The following LMX1A variants were observed in gnomAD, a reference collection of about 807,000 sequenced individuals.
The protein encoded by LMX1A is LIM homeobox transcription factor 1 alpha, also known as LIM homeobox transcription factor 1-alpha.
A neutral mutation model predicts 49.1 loss-of-function variants in LMX1A; 15 were observed. The ratio of observed to expected loss-of-function variants is 0.31; its 90% CI spans 0.20 to 0.47. The LOEUF (loss-of-function observed/expected upper bound fraction) is 0.47, where lower values mean the gene tolerates loss of function less well. Ranked by LOEUF, LMX1A falls within the 20% of genes least tolerant of loss-of-function variation. The pLI, the probability that LMX1A is intolerant of heterozygous loss-of-function variation, is 1.00. For missense variants in LMX1A, 372 were observed against 475.8 expected (o/e 0.78, Z 2.03); for synonymous variants, 167 against 185.7 (o/e 0.90, Z 0.82).
At position 165,213,702 on chromosome 1, in the gene LMX1A, G is replaced by C. The variant is rs1651522676; in HGVS notation, c.608C>G (p.Thr203Arg). The C allele has an allele frequency of 1.2e-6, 2 of 1,614,220 alleles. No individual in the cohort carries two copies. Among genetic ancestry groups the C allele is most frequent in the South Asian group, 1.1e-5 (1 of 91,080 alleles). Residue 203 changes from threonine (T) to arginine (R), a missense_variant, in exon 5 of 9, where the codon ACA becomes AGA. Physicochemically the swap from Thr to Arg is moderately conservative, Grantham distance 71. This residue lies in a region of LMX1A where 46 missense variants were observed against 93.8 expected (regional missense o/e 0.49). Coordinates refer to ENST00000342310, the MANE Select transcript of LMX1A (RefSeq NM_177398.4). ...CTTGAATGCTCGCCTCTGTTGAGTT[G>C]TCAAGATGGTTCTCGGACGTTTGGG... Reference protein sequence around the residue: ...KRPKRPRTILTTQQRRAFKAS... With the variant: ...KRPKRPRTILRTQQRRAFKAS...
chr1:165,317,441 G>C (rs1435868281), intron 3 of LMX1A, among the ~76,000 whole-genome samples: 1 of 152,156 alleles, frequency 6.6e-6, no homozygotes. Context: ...AAATTGAAAT[G>C]TACATATTAA....
chr1:165,344,069 G>A (rs999846294), intron 3 of LMX1A, among the ~76,000 whole-genome samples: 1 of 152,206 alleles, frequency 6.6e-6, no homozygotes, highest in African/African-American at 2.4e-5. Context: ...CAAGCAAGAA[G>A]GCACAGCCAA....
intron 3 of LMX1A, among the ~76,000 whole-genome samples, chr1:165,292,562 C>A (rs1007419645): frequency 6.6e-6 from 1 of 152,222 alleles, no homozygotes; most frequent in Non-Finnish European, 1.5e-5. Flanking sequence ...TGGCATCAAT[C>A]TGTGCACCTA....
chr1:165,256,456 C>T (rs914277265), intron 3 of LMX1A, among the ~76,000 whole-genome samples: 6 of 152,136 alleles, frequency 3.9e-5, no homozygotes, highest in Non-Finnish European at 8.8e-5. Flanking sequence ...CACTTTCAAC[C>T]AGAGAAACCC....
rs1369879357 is a variant in LMX1A at position 165,213,476 on chromosome 1, A to AC, written c.669+164_669+165insG. Reference sequence around the variant, plus strand: ...GTCTATCACACCCTGGCCACAGCTTAGTGATCTCTGGAGTCTCCAACAGGC... The same window carrying AC: ...GTCTATCACACCCTGGCCACAGCTTACGTGATCTCTGGAGTCTCCAACAGGC... On this transcript the variant is annotated intron_variant, in intron 5 of 8. Transcript: ENST00000342310. Among the ~76,000 whole-genome samples, 7 of 152,312 alleles carry AC rather than the reference A, an allele frequency of 4.6e-5. No individual in the cohort carries two copies. In the East Asian group the frequency reaches 1.4e-3, roughly 29 times the overall value.
intron 3 of LMX1A, among the ~76,000 whole-genome samples, chr1:165,281,746 A>ATG (rs56913866): frequency 0.13 from 16,096 of 125,848 alleles, 842 homozygotes; most frequent in Middle Eastern, 0.25. Flanking sequence ...GTGTGTGTGT[A>ATG]TGTGTGTGTG....
At chr1:165,329,565 A>G (rs1275080732) in intron 3 of LMX1A, among the ~76,000 whole-genome samples, 1 of 152,142 alleles carries the variant, frequency 6.6e-6, no homozygotes, top group Non-Finnish European at 1.5e-5. Context: ...GGAAAAGAGA[A>G]CAGAACAATG....
At chr1:165,277,809 T>G (rs750132055) in intron 3 of LMX1A, among the ~76,000 whole-genome samples, 53 of 152,148 alleles carry the variant, frequency 3.5e-4, no homozygotes, top group Admixed American at 5.2e-4. Context: ...GCAAAAAGAA[T>G]CAAGCTTCTT....
chr1:165,252,911 A>C (rs1403040822), intron 3 of LMX1A, among the ~76,000 whole-genome samples: 1 of 152,216 alleles, frequency 6.6e-6, no homozygotes, highest in African/African-American at 2.4e-5. Context: ...TTCACTCAAA[A>C]TCTCATTCAT....
At chr1:165,279,391 C>T (rs565150074) in intron 3 of LMX1A, among the ~76,000 whole-genome samples, 8 of 152,326 alleles carry the variant, frequency 5.3e-5, no homozygotes, top group East Asian at 1.9e-4. Context: ...TTTACAATAA[C>T]GCTCAGAGTT....
intron 4 of LMX1A, among the ~76,000 whole-genome samples, chr1:165,240,227 A>G (rs1399701243): frequency 6.6e-6 from 1 of 152,228 alleles, no homozygotes; most frequent in Non-Finnish European, 1.5e-5. Context: ...AGTCTTTTGA[A>G]AACATGACTC....
chr1:165,270,101 A>G (rs1473095795), intron 3 of LMX1A, among the ~76,000 whole-genome samples: 1 of 152,180 alleles, frequency 6.6e-6, no homozygotes, highest in Non-Finnish European at 1.5e-5. Context: ...GCTGTCCAAC[A>G]TGGTAGCCAT....
In LMX1A at chr1:165,268,502, A is replaced by G. The variant is rs553144399; in HGVS notation, c.264-18862T>C. On this transcript the variant is annotated intron_variant, in intron 3 of 8. Transcript: ENST00000342310. ...AATGGCATTGAGAGATGTTGTTACC[A>G]AGATCACTAGTAAATATTCCCACAT... is the stretch of plus-strand genomic sequence containing the variant. 2.0e-5 allele frequency among the ~76,000 whole-genome samples: 3 copies of G among 152,374 alleles called. No homozygotes were observed. The East Asian group carries it at 5.8e-4, about 29-fold the overall frequency.
Position 165,342,675 on chromosome 1 carries a change from C to T in LMX1A, c.263+10401G>A, listed in dbSNP as rs183692571. 3.1e-3 allele frequency among the ~76,000 whole-genome samples: 466 copies of T among 152,072 alleles called. 1 individual carries two copies. Among genetic ancestry groups the T allele is most frequent in the African/African-American group, 0.011 (443 of 41,494 alleles). On this transcript the variant is annotated intron_variant, in intron 3 of 8. Coordinates refer to ENST00000342310, the MANE Select transcript of LMX1A (RefSeq NM_177398.4). ...TCTCATACAAACAAAGAGGCAATCC[C>T]CAAATCCTAAAAACTTCCTTTAAAA...
chr1:165,352,461 G>C (rs1338052233), intron 3 of LMX1A, among the ~76,000 whole-genome samples: 1 of 152,218 alleles, frequency 6.6e-6, no homozygotes, highest in African/African-American at 2.4e-5. Context: ...CAGAAAACCA[G>C]GAAGGCGACA....
chr1:165,256,861 G>A (rs942197403), intron 3 of LMX1A, among the ~76,000 whole-genome samples: 1 of 151,862 alleles, frequency 6.6e-6, no homozygotes, highest in Non-Finnish European at 1.5e-5. Flanking sequence ...CTGAATTTCG[G>A]GATGCAACAG....
chr1:165,213,582 T>A, intron 5 of LMX1A, 59 bp downstream of exon 5: 1 of 1,486,862 alleles, frequency 6.7e-7, no homozygotes. Context: ...CCCAGAGGGG[T>A]CTGAGTGCAC....
intron 3 of LMX1A, among the ~76,000 whole-genome samples, chr1:165,327,665 C>T (rs989897586): frequency 1.3e-5 from 2 of 152,202 alleles, no homozygotes; most frequent in African/African-American, 2.4e-5. Flanking sequence ...ACTCCACCAC[C>T]AGGGAATGAA....
chr1:165,349,124 G>A (rs1227487563), intron 3 of LMX1A, among the ~76,000 whole-genome samples: 1 of 152,216 alleles, frequency 6.6e-6, no homozygotes, highest in Non-Finnish European at 1.5e-5. Flanking sequence ...GGCTCCGCCT[G>A]ACCCACAGAG....
Sources: gnomAD v4.1 joint callset for allele counts (sites outside exome capture counted in the v4.1 genomes callset) on GRCh38, gnomAD v4.1.1 for gene constraint, gnomAD v4.1.1 regional missense constraint, MANE v1.5 for transcripts, NCBI Gene and HGNC (gene_info 2026-07-23, HGNC 2026-07-21) for gene names.